The following MPZL2 variants were observed in gnomAD, a reference collection of about 807,000 sequenced individuals.
The protein encoded by MPZL2 is myelin protein zero like 2, also known as myelin protein zero-like protein 2.
A neutral mutation model predicts 24.5 loss-of-function variants in MPZL2; 32 were observed. The ratio of observed to expected loss-of-function variants is 1.31; its 90% CI spans 0.99 to 1.76. The LOEUF (loss-of-function observed/expected upper bound fraction) is 1.76. Ranked by LOEUF, MPZL2 falls within the 40% of genes most tolerant of loss-of-function variation. The probability of loss-of-function intolerance (pLI) is 0.00; values close to 1 mark genes in which losing one functional copy is unlikely to be tolerated. For missense variants in MPZL2, 304 were observed against 274.9 expected (o/e 1.11, Z -0.75); for synonymous variants, 92 against 97.9 (o/e 0.94, Z 0.36).
At position 118,263,060 on chromosome 11, in the gene MPZL2, G is replaced by T. The variant is rs766802689; in HGVS notation, c.96C>A (p.Ser32=). The T allele has an allele frequency of 2.5e-6, 4 of 1,613,994 alleles. No individual in the cohort carries two copies. In the African/African-American group the frequency reaches 4.0e-5, roughly 16 times the overall value. The change falls in exon 2 of 6, where the codon TCC becomes TCA. Residue 32 remains serine (S), a synonymous_variant. Transcript: ENST00000278937. Reference sequence around the variant, plus strand: ...TCCCATTAACAGCCTCCAGCACCCGGGAGGTATAAATTTCCACAGCTGCTA... The same window carrying T: ...TCCCATTAACAGCCTCCAGCACCCGTGAGGTATAAATTTCCACAGCTGCTA... ...WPIAAVEIYT[S]RVLEAVNGTD... is the part of the protein sequence containing the mutation.
At position 118,264,135 on chromosome 11, in the gene MPZL2, T is replaced by G. The variant is rs1949722711; in HGVS notation, c.19A>C (p.Thr7Pro). 2 of 1,613,754 alleles carry G rather than the reference T, an allele frequency of 1.2e-6. No homozygotes were observed. Among genetic ancestry groups the G allele is most frequent in the Non-Finnish European group, 8.5e-7 (1 of 1,179,952 alleles). ...CCAAGGAGAAGAAGCACCGCACGAGTAGAGCTCTTGCCATACATGAGGGAA... is the reference window on the plus strand; with the variant it reads ...CCAAGGAGAAGAAGCACCGCACGAGGAGAGCTCTTGCCATACATGAGGGAA... MYGKSS[T>P]RAVLLLLGIQ... The change falls in exon 1 of 6, where the codon ACT becomes CCT. Residue 7 changes from threonine (T) to proline (P), a missense_variant. By Grantham distance (38) the Thr-to-Pro change is conservative (BLOSUM62 -1). Coordinates refer to ENST00000278937, the MANE Select transcript of MPZL2 (RefSeq NM_005797.4).
At position 118,262,644 on chromosome 11, in the gene MPZL2, A is replaced by G; in HGVS notation, c.230T>C (p.Phe77Ser). Residue 77 changes from phenylalanine (F) to serine (S), a missense_variant, in exon 3 of 6, where the codon TTC becomes TCC. Coordinates refer to ENST00000278937, the MANE Select transcript of MPZL2 (RefSeq NM_005797.4). ...TTGGAAGGGATCTATGTGGTAGTAG[A>G]ATACCTAGAGAGGGGAAATGGCAAA... Reference protein sequence around the residue: ...PLDGGPEQFVFYYHIDPFQPM... With the variant: ...PLDGGPEQFVSYYHIDPFQPM... 1 of 1,613,618 alleles carries G rather than the reference A, an allele frequency of 6.2e-7. No individual in the cohort carries two copies. Among genetic ancestry groups the G allele is most frequent in the East Asian group, 2.2e-5 (1 of 44,866 alleles).
intron 1 of MPZL2, among the ~76,000 whole-genome samples, chr11:118,263,689 T>A (rs1202888883): frequency 6.6e-6 from 1 of 152,154 alleles, no homozygotes; most frequent in East Asian, 1.9e-4. Context: ...ATGTGTGTGT[T>A]GGGGCACTTT....
intron 3 of MPZL2, among the ~76,000 whole-genome samples, chr11:118,260,725 A>G (rs1294799173): frequency 6.6e-6 from 1 of 152,222 alleles, no homozygotes; most frequent in African/African-American, 2.4e-5. Context: ...GCCAAAAAAG[A>G]CATCACCTTC....
Position 118,253,660 on chromosome 11 carries a change from A to G in MPZL2, c.*1586T>C, listed in dbSNP as rs1949644500. The G allele has an allele frequency of 6.6e-6, 1 of 152,180 alleles. No individual in the cohort carries two copies. Among genetic ancestry groups the G allele is most frequent in the Non-Finnish European group, 1.5e-5 (1 of 68,006 alleles). 9.4% of individuals were successfully genotyped at this position (152,180 alleles called of 1,614,324 possible). A position where few individuals can be genotyped will look rare whatever the true frequency, so the allele number is the denominator to read the frequency against. ...TCATCCAGGACATCTGTTTGAAGAA[A>G]TATCCAGTTATAATATTTTCAAAGG... On this transcript the variant is annotated 3_prime_UTR_variant, in exon 6 of 6. Coordinates refer to ENST00000278937, the MANE Select transcript of MPZL2 (RefSeq NM_005797.4).
intron 4 of MPZL2, among the ~76,000 whole-genome samples, chr11:118,258,053 G>A (rs2134729535): frequency 6.6e-6 from 1 of 151,894 alleles, no homozygotes; most frequent in South Asian, 2.1e-4. Context: ...ATTTATTAAG[G>A]AAATGAGATA....
At chr11:118,258,577 C>T (rs777479091) in intron 4 of MPZL2, among the ~76,000 whole-genome samples, 10 of 152,090 alleles carry the variant, frequency 6.6e-5, no homozygotes, top group African/African-American at 2.4e-4. Flanking sequence ...CAATGAGATA[C>T]CACTTCACAT....
chr11:118,257,221 C>A lies in MPZL2; in HGVS notation c.*12+17G>T. Reference sequence around the variant, plus strand: ...CAGAAAGCTGAAGAAAGAAATCAACCTATTTGTGAACCTTACCATCTAAAA... The same window carrying A: ...CAGAAAGCTGAAGAAAGAAATCAACATATTTGTGAACCTTACCATCTAAAA... On this transcript the variant is annotated intron_variant, in intron 5 of 5. Transcript: ENST00000278937. The A allele has an allele frequency of 1.9e-6, 3 of 1,569,556 alleles. No individual in the cohort carries two copies. The highest frequency in any genetic ancestry group is 2.6e-6 in the Non-Finnish European group (3 of 1,143,432).
At chr11:118,262,690 C>G (rs752156199) in intron 2 of MPZL2, 42 bp from the exon 3 acceptor site, 4 of 1,591,774 alleles carry the variant, frequency 2.5e-6, no homozygotes, top group Non-Finnish European at 2.6e-6. Flanking sequence ...ACTCAGCACC[C>G]AGGCAAGGAG....
chr11:118,263,216 C>G, intron 1 of MPZL2, 119 bp from the exon 2 acceptor site: 2 of 1,048,104 alleles, frequency 1.9e-6, no homozygotes, highest in Non-Finnish European at 2.8e-6. Context: ...AACTGAGATG[C>G]CCCATCTCCC....
Position 118,260,165 on chromosome 11 carries a change from A to G in MPZL2, c.473T>C (p.Ile158Thr). 5.0e-6 allele frequency: 8 copies of G among 1,614,108 alleles called. No homozygotes were observed. The highest frequency in any genetic ancestry group is 6.8e-6 in the Non-Finnish European group (8 of 1,179,964). ...GATCATCAGTGCACAGGCAGAGCCA[A>G]TGGCCAGAGCCAGGAAGTGGATCTC... ...FSEIHFLALA[I>T]GSACALMIII... The change falls in exon 4 of 6, where the codon ATT becomes ACT. Residue 158 changes from isoleucine (I) to threonine (T), a missense_variant. Physicochemically the swap from Ile to Thr is moderately conservative, Grantham distance 89. Transcript: ENST00000278937.
chr11:118,260,886 G>C (rs1591505222), intron 3 of MPZL2, among the ~76,000 whole-genome samples: 1 of 152,134 alleles, frequency 6.6e-6, no homozygotes, highest in East Asian at 1.9e-4. Context: ...CTTTATTTCT[G>C]ATTATACTTC....
chr11:118,259,442 G>A (rs1452956495), intron 4 of MPZL2: 1 of 152,204 alleles, frequency 6.6e-6, no homozygotes, highest in Non-Finnish European at 1.5e-5. Flanking sequence ...CTATTTAAAT[G>A]AAATGTCCAG....
chr11:118,257,214 A>T, intron 5 of MPZL2, 24 bp downstream of exon 5: 2 of 1,547,658 alleles, frequency 1.3e-6, no homozygotes, highest in Non-Finnish European at 1.8e-6. Context: ...TGAAGAAAGA[A>T]ATCAACCTAT....
chr11:118,256,968 AAATAT>A (rs926590466), intron 5 of MPZL2: 2 of 245,114 alleles, frequency 8.2e-6, no homozygotes, highest in Non-Finnish European at 7.7e-6. Context: ...TAGTAGTAAT[AAATAT>A]AACCCCGAAG....
chr11:118,256,569 G>A (rs1949661617), intron 5 of MPZL2, among the ~76,000 whole-genome samples: 1 of 152,136 alleles, frequency 6.6e-6, no homozygotes, highest in African/African-American at 2.4e-5. Flanking sequence ...AGGATCACTT[G>A]AGCTTGGGAG....
At chr11:118,258,345 A>G (rs945616384) in intron 4 of MPZL2, among the ~76,000 whole-genome samples, 5 of 152,156 alleles carry the variant, frequency 3.3e-5, no homozygotes, top group African/African-American at 1.2e-4. Flanking sequence ...TGAAAAGACA[A>G]CCCACAGAAT....
At chr11:118,258,927 G>A (rs1341033709) in intron 4 of MPZL2, among the ~76,000 whole-genome samples, 1 of 150,792 alleles carries the variant, frequency 6.6e-6, no homozygotes, top group East Asian at 2.0e-4. Context: ...AGAACCGTGA[G>A]CCAATTAAAT....
intron 3 of MPZL2, among the ~76,000 whole-genome samples, chr11:118,261,227 C>A (rs1202970547): frequency 6.6e-6 from 1 of 152,140 alleles, no homozygotes; most frequent in African/African-American, 2.4e-5. Context: ...ACACAGCCCT[C>A]TATTGGTGGG....
Sources: gnomAD v4.1 joint callset for allele counts (sites outside exome capture counted in the v4.1 genomes callset) on GRCh38, gnomAD v4.1.1 for gene constraint, MANE v1.5 for transcripts, NCBI Gene and HGNC (gene_info 2026-07-23, HGNC 2026-07-21) for gene names.